The following NKAIN1 variants were observed in gnomAD, a reference collection of about 807,000 sequenced individuals.
NKAIN1 encodes sodium/potassium-transporting ATPase subunit beta-1-interacting protein 1.
Under a neutral mutation model 31.6 loss-of-function variants are expected in NKAIN1, and 13 were observed. The ratio of observed to expected loss-of-function variants is 0.41; its 90% CI spans 0.27 to 0.65. NKAIN1 has a LOEUF of 0.65. Ranked by LOEUF, NKAIN1 falls within the 30% of genes least tolerant of loss-of-function variation. NKAIN1 has a pLI of 0.30. For synonymous variants in NKAIN1, 104 were observed against 109.0 expected, an observed-to-expected ratio of 0.95 and a Z score of 0.28; for missense variants, 193 against 262.2, an observed-to-expected ratio of 0.74 and a Z score of 1.82.
intron 1 of NKAIN1, among the ~76,000 whole-genome samples, chr1:31,237,127 C>T (rs765141158): frequency 3.9e-5 from 6 of 152,138 alleles, no homozygotes; most frequent in African/African-American, 7.2e-5. Context: ...GGTGTGCCCC[C>T]GTAGTCCCAG....
intron 1 of NKAIN1, among the ~76,000 whole-genome samples, chr1:31,201,362 T>TA (rs1457200325): frequency 2.0e-5 from 3 of 147,762 alleles, no homozygotes; most frequent in South Asian, 2.2e-4. Context: ...CCTACCCTAT[T>TA]TTTTTTTTTT....
chr1:31,214,849 A>C (rs534094995), intron 1 of NKAIN1, among the ~76,000 whole-genome samples: 1 of 152,294 alleles, frequency 6.6e-6, no homozygotes, highest in Non-Finnish European at 1.5e-5. Flanking sequence ...AATGCGAGGG[A>C]GGGACACCAA....
At chr1:31,224,804 G>A (rs549434449) in intron 1 of NKAIN1, among the ~76,000 whole-genome samples, 4 of 152,250 alleles carry the variant, frequency 2.6e-5, no homozygotes, top group Non-Finnish European at 5.9e-5. Flanking sequence ...GGTTCCTCCC[G>A]CCTCTTCCCT....
chr1:31,192,556 T>A (rs1449672002), intron 1 of NKAIN1, among the ~76,000 whole-genome samples: 1 of 130,670 alleles, frequency 7.7e-6, no homozygotes, highest in Admixed American at 7.2e-5. Context: ...TTTAAATGAA[T>A]TTTTTTTTTT....
intron 1 of NKAIN1, among the ~76,000 whole-genome samples, chr1:31,231,265 T>C (rs1457893635): frequency 6.6e-6 from 1 of 151,778 alleles, no homozygotes; most frequent in Non-Finnish European, 1.5e-5. Flanking sequence ...TCATCCTATC[T>C]AACCATGTTT....
chr1:31,192,591 C>T (rs541147637), intron 1 of NKAIN1, among the ~76,000 whole-genome samples: 24 of 152,054 alleles, frequency 1.6e-4, no homozygotes, highest in African/African-American at 5.8e-4. Flanking sequence ...CGCTCTGTCG[C>T]CCAGGCTGGA....
intron 1 of NKAIN1, among the ~76,000 whole-genome samples, chr1:31,227,535 T>G (rs1478984274): frequency 6.6e-6 from 1 of 152,108 alleles, no homozygotes; most frequent in Admixed American, 6.6e-5. Flanking sequence ...CAGAATGAGG[T>G]GGGTCATAAG....
chr1:31,213,336 T>A (rs1645485323), intron 1 of NKAIN1, among the ~76,000 whole-genome samples: 1 of 152,084 alleles, frequency 6.6e-6, no homozygotes, highest in Admixed American at 6.5e-5. Context: ...CACAAAAAAA[T>A]ATGCTCAAAA....
In NKAIN1 at chr1:31,199,559, C is replaced by T. The variant is rs78209950; in HGVS notation, c.55-11372G>A. Among the ~76,000 whole-genome samples the T allele has an allele frequency of 4.0e-3, 605 of 152,254 alleles. 3 individuals are homozygous for T. The highest frequency in any genetic ancestry group is 0.014 in the African/African-American group (564 of 41,548). ...CCCCTGAGATCTGCTGGCCCAACCC[C>T]CTCATTAGGGAGGTGAGCAAACTGA... On this transcript the variant is annotated intron_variant, in intron 1 of 6. Transcript: ENST00000373736.
chr1:31,185,343 G>A lies in NKAIN1; in HGVS notation c.193-16C>T, dbSNP rs1260565352. On this transcript the variant is annotated splice_polypyrimidine_tract_variant and intron_variant, in intron 2 of 6. Transcript: ENST00000373736. ...AGGCTGCATACTGGGGAAAGCAGAG[G>A]TGGGATCAGGGTGGGGCCTGGGGAG... is the stretch of plus-strand genomic sequence containing the variant. The A allele has an allele frequency of 6.3e-7, 1 of 1,596,826 alleles. No homozygotes were observed. The highest frequency in any genetic ancestry group is 8.5e-7 in the Non-Finnish European group (1 of 1,170,322).
chr1:31,218,481 T>C (rs1645535400), intron 1 of NKAIN1, among the ~76,000 whole-genome samples: 1 of 152,180 alleles, frequency 6.6e-6, no homozygotes, highest in Non-Finnish European at 1.5e-5. Flanking sequence ...TCATCTCCAC[T>C]TTACAGATGA....
At chr1:31,213,305 G>A (rs568127475) in intron 1 of NKAIN1, among the ~76,000 whole-genome samples, 37 of 152,146 alleles carry the variant, frequency 2.4e-4, no homozygotes, top group African/African-American at 8.9e-4. Flanking sequence ...CTCCAAAGAA[G>A]GTATACAAGT....
intron 1 of NKAIN1, among the ~76,000 whole-genome samples, chr1:31,236,451 C>T (rs985428203): frequency 3.3e-5 from 5 of 152,208 alleles, no homozygotes; most frequent in Middle Eastern, 6.8e-3. Context: ...TCTTTTTTCC[C>T]TTCAGTCCCT....
chr1:31,191,245 C>G (rs994573719), intron 1 of NKAIN1, among the ~76,000 whole-genome samples: 2 of 150,820 alleles, frequency 1.3e-5, no homozygotes, highest in Non-Finnish European at 2.9e-5. Context: ...GAGCCAAGAT[C>G]GCGCCACTGT....
chr1:31,202,391 G>C (rs1645387343), intron 1 of NKAIN1, among the ~76,000 whole-genome samples: 1 of 152,126 alleles, frequency 6.6e-6, no homozygotes, highest in Non-Finnish European at 1.5e-5. Flanking sequence ...ATCAGGCCGG[G>C]GACCAGGCAG....
chr1:31,222,510 C>G (rs1423625819), intron 1 of NKAIN1, among the ~76,000 whole-genome samples: 1 of 152,210 alleles, frequency 6.6e-6, no homozygotes, highest in African/African-American at 2.4e-5. Flanking sequence ...ATGGACCCAT[C>G]TGGGGGTGGT....
At position 31,181,946 on chromosome 1, in the gene NKAIN1, G is replaced by T; in HGVS notation, c.533-5C>A. 6.2e-7 allele frequency: 1 copy of T among 1,604,772 alleles called. No homozygotes were observed. On this transcript the variant is annotated splice_region_variant and splice_polypyrimidine_tract_variant and intron_variant, in intron 5 of 6. Transcript: ENST00000373736. ...CAAAGCCGCCGATGAAGTCAACTGC[G>T]GAAGAGGGGCGGCGCATGTTAGGGA...
In NKAIN1 at chr1:31,195,310, C is replaced by T. The variant is rs574207006; in HGVS notation, c.55-7123G>A. 9.2e-5 allele frequency among the ~76,000 whole-genome samples: 14 copies of T among 151,608 alleles called. No individual in the cohort carries two copies. In the South Asian group the frequency reaches 1.7e-3, roughly 18 times the overall value. On this transcript the variant is annotated intron_variant, in intron 1 of 6. Transcript: ENST00000373736. ...AATTTTTTGTATTTTTTAGTGGAGA[C>T]GGGGTTTCACCATGTTGGCCAGGCT...
chr1:31,204,909 G>A (rs1336146971), intron 1 of NKAIN1, among the ~76,000 whole-genome samples: 1 of 152,168 alleles, frequency 6.6e-6, no homozygotes, highest in Non-Finnish European at 1.5e-5. Flanking sequence ...GGCTGCTGGA[G>A]AGCCCGGTAA....
Sources: gnomAD v4.1 joint callset for allele counts (sites outside exome capture counted in the v4.1 genomes callset) on GRCh38, gnomAD v4.1.1 for gene constraint, MANE v1.5 for transcripts, NCBI Gene and HGNC (gene_info 2026-07-23, HGNC 2026-07-21) for gene names.